XKR4: variants seen among roughly 807,000 people sequenced by gnomAD.
XKR4 encodes XK related 4.
Under a neutral mutation model 53.9 loss-of-function variants are expected in XKR4, and 12 were observed. That is an observed-to-expected ratio of 0.22 (90% CI 0.14 to 0.36). The LOEUF is 0.36. Ranked by LOEUF, XKR4 falls within the 10% of genes least tolerant of loss-of-function variation. The pLI is 1.00. For missense variants in XKR4, 799 were observed against 859.5 expected (o/e 0.93, Z 0.88); for synonymous variants, 354 against 362.4 (o/e 0.98, Z 0.26).
intron 2 of XKR4, among the ~76,000 whole-genome samples, chr8:55,518,130 G>C (rs1013471078): frequency 2.6e-5 from 4 of 152,224 alleles, no homozygotes; most frequent in Admixed American, 2.6e-4. Flanking sequence ...CTTCCATCTA[G>C]AGAATTAGGC....
intron 1 of XKR4, among the ~76,000 whole-genome samples, chr8:55,104,705 A>G (rs1345090770): frequency 6.6e-6 from 1 of 151,082 alleles, no homozygotes; most frequent in African/African-American, 2.4e-5. Context: ...CACTTTCTGA[A>G]AAAGTGATAT....
At chr8:55,517,804 G>GGAA (rs5891576) in intron 2 of XKR4, 66 of 151,814 alleles carry the variant, frequency 4.3e-4, no homozygotes, top group African/African-American at 1.6e-3. Context: ...TAAAGAGAAA[G>GGAA]AAGTCAATGA....
At chr8:55,408,563 A>G (rs1235623714) in intron 2 of XKR4, among the ~76,000 whole-genome samples, 3 of 152,222 alleles carry the variant, frequency 2.0e-5, no homozygotes, top group Non-Finnish European at 4.4e-5. Context: ...CTGGAAGTCC[A>G]GAGCGTCAGG....
chr8:55,344,480 TCTGCCAGTAGCC>T, intron 1 of XKR4, among the ~76,000 whole-genome samples: 1 of 152,020 alleles, frequency 6.6e-6, no homozygotes. Flanking sequence ...GCTAATAATT[TCTGCCAGTAGCC>T]TCTTAATCAT....
chr8:55,401,281 C>T (rs111556951), intron 2 of XKR4, among the ~76,000 whole-genome samples: 168 of 152,260 alleles, frequency 1.1e-3, no homozygotes, highest in African/African-American at 3.7e-3. Flanking sequence ...TTGAAATGGT[C>T]CATTTCCTGC....
intron 1 of XKR4, among the ~76,000 whole-genome samples, chr8:55,205,999 T>C (rs146527032): frequency 0.01 from 1,574 of 152,272 alleles, 24 homozygotes; most frequent in African/African-American, 0.036. Context: ...CAGTGAGTGT[T>C]ACAGCTCTTA....
chr8:55,420,732 A>G (rs1169556128), intron 2 of XKR4, among the ~76,000 whole-genome samples: 1 of 151,972 alleles, frequency 6.6e-6, no homozygotes, highest in African/African-American at 2.4e-5. Context: ...ACATGTATAC[A>G]TATGTAACTA....
At chr8:55,136,520 A>G (rs999204859) in intron 1 of XKR4, among the ~76,000 whole-genome samples, 3 of 152,260 alleles carry the variant, frequency 2.0e-5, no homozygotes, top group Non-Finnish European at 2.9e-5. Flanking sequence ...TGTATTGAAT[A>G]TAATATCAAC....
intron 2 of XKR4, among the ~76,000 whole-genome samples, chr8:55,521,461 A>G (rs1243225012): frequency 1.3e-5 from 2 of 152,184 alleles, no homozygotes; most frequent in Admixed American, 6.5e-5. Context: ...TTGCTTAGAA[A>G]TTAAATTATC....
chr8:55,335,498 A>G (rs1450712706), intron 1 of XKR4, among the ~76,000 whole-genome samples: 1 of 152,244 alleles, frequency 6.6e-6, no homozygotes, highest in Non-Finnish European at 1.5e-5. Flanking sequence ...CAAATGCAAA[A>G]ACAAATGCCA....
At chr8:55,454,552 G>A (rs893732841) in intron 2 of XKR4, 1 of 1,432,938 alleles carries the variant, frequency 7.0e-7, no homozygotes, top group South Asian at 1.2e-5. Context: ...GCTGCTGATG[G>A]GCAGGGAGTC....
chr8:55,449,450 G>T, intron 2 of XKR4: 1 of 823,726 alleles, frequency 1.2e-6, no homozygotes, highest in Non-Finnish European at 2.0e-6. Context: ...GGGCTGCCCT[G>T]CCCACCCCTA....
At chr8:55,160,251 G>A (rs1349134431) in intron 1 of XKR4, among the ~76,000 whole-genome samples, 2 of 152,228 alleles carry the variant, frequency 1.3e-5, no homozygotes, top group African/African-American at 4.8e-5. Flanking sequence ...GTTTATTTAA[G>A]ATGTGGTGTT....
At chr8:55,127,809 C>T (rs1816494918) in intron 1 of XKR4, among the ~76,000 whole-genome samples, 1 of 150,208 alleles carries the variant, frequency 6.7e-6, no homozygotes, top group South Asian at 2.1e-4. Context: ...CAGTTCCCAC[C>T]TATGAGTGAG....
chr8:55,251,925 G>A (rs557966438), intron 1 of XKR4, among the ~76,000 whole-genome samples: 1 of 152,262 alleles, frequency 6.6e-6, no homozygotes, highest in East Asian at 1.9e-4. Flanking sequence ...TCATGCATTT[G>A]TTTTATTTGT....
intron 2 of XKR4, among the ~76,000 whole-genome samples, chr8:55,497,972 C>A (rs552785934): frequency 6.6e-6 from 1 of 152,306 alleles, no homozygotes; most frequent in Non-Finnish European, 1.5e-5. Flanking sequence ...CCACACTCAG[C>A]CCTCTGGTCA....
intron 2 of XKR4, among the ~76,000 whole-genome samples, chr8:55,403,459 G>A (rs1287338171): frequency 6.6e-6 from 1 of 152,142 alleles, no homozygotes; most frequent in Non-Finnish European, 1.5e-5. Context: ...TGTCAGTGAA[G>A]GACAAATAAA....
At chr8:55,320,246 T>A (rs1052012159) in intron 1 of XKR4, among the ~76,000 whole-genome samples, 2 of 152,150 alleles carry the variant, frequency 1.3e-5, no homozygotes, top group Non-Finnish European at 2.9e-5. Context: ...GTACTTTTAG[T>A]GAGAGGAAAA....
intron 1 of XKR4, chr8:55,272,758 AC>A (rs1231679195): frequency 2.8e-6 from 1 of 361,954 alleles, no homozygotes; most frequent in Non-Finnish European, 5.3e-6. Flanking sequence ...GCTACCAATG[AC>A]ATCTCTGTTT....
Sources: allele counts gnomAD v4.1 joint callset (sites outside exome capture counted in the v4.1 genomes callset), GRCh38; gene constraint gnomAD v4.1.1; transcripts MANE v1.5; gene names NCBI Gene and HGNC (gene_info 2026-07-23, HGNC 2026-07-21).